The following PACRG variants were observed in gnomAD, a reference collection of about 807,000 sequenced individuals.
The protein encoded by PACRG is parkin coregulated.
A neutral mutation model predicts 29.7 loss-of-function variants in PACRG; 29 were observed. The observed-to-expected ratio is 0.98, with a 90% confidence interval of 0.73 to 1.33. PACRG has a LOEUF of 1.33. PACRG is among the 40% of genes most tolerant of loss of function. The pLI is 0.00. For missense variants in PACRG, 279 were observed against 316.2 expected (o/e 0.88, Z 0.89); for synonymous variants, 116 against 118.7 (o/e 0.98, Z 0.15).
At chr6:163,117,105 A>C (rs933796087) in intron 4 of PACRG, among the ~76,000 whole-genome samples, 1 of 152,198 alleles carries the variant, frequency 6.6e-6, no homozygotes, top group South Asian at 2.1e-4. Flanking sequence ...AGGAGAGGAA[A>C]ATCAGAAGTT....
intron 1 of PACRG, among the ~76,000 whole-genome samples, chr6:162,773,040 A>G (rs1783342234): frequency 6.6e-6 from 1 of 150,758 alleles, no homozygotes; most frequent in African/African-American, 2.4e-5. Context: ...AGAATCACGG[A>G]GGTCAATGGT....
chr6:162,792,369 G>A (rs1785026005), intron 1 of PACRG, among the ~76,000 whole-genome samples: 1 of 152,178 alleles, frequency 6.6e-6, no homozygotes, highest in Non-Finnish European at 1.5e-5. Flanking sequence ...TATAGCGAAA[G>A]TTTCAGGGTT....
intron 1 of PACRG, among the ~76,000 whole-genome samples, chr6:162,791,067 T>A (rs543563455): frequency 9.2e-4 from 140 of 152,348 alleles, no homozygotes; most frequent in African/African-American, 3.2e-3. Context: ...TAGAATGTAC[T>A]GTAGTTAGGT....
At chr6:163,201,909 T>G (rs958696260) in intron 4 of PACRG, among the ~76,000 whole-genome samples, 4 of 152,158 alleles carry the variant, frequency 2.6e-5, no homozygotes, top group African/African-American at 4.8e-5. Flanking sequence ...CACACGGTGG[T>G]GGCCAACCTC....
chr6:163,061,237 C>T (rs1811071951), intron 2 of PACRG, among the ~76,000 whole-genome samples: 3 of 152,142 alleles, frequency 2.0e-5, no homozygotes, highest in Admixed American at 2.0e-4. Context: ...GGCTCATTTC[C>T]ATGTACACTC....
At chr6:162,990,744 T>G (rs1803382726) in intron 2 of PACRG, among the ~76,000 whole-genome samples, 1 of 138,522 alleles carries the variant, frequency 7.2e-6, no homozygotes, top group Non-Finnish European at 1.5e-5. Context: ...TTAGTTTAAT[T>G]AGATCCCATT....
chr6:162,753,746 G>C (rs1019263134), intron 1 of PACRG, among the ~76,000 whole-genome samples: 1 of 151,950 alleles, frequency 6.6e-6, no homozygotes, highest in Non-Finnish European at 1.5e-5. Flanking sequence ...CTCTCTCTCT[G>C]TCTCTTTCCT....
chr6:163,222,526 G>A (rs1034461689), intron 4 of PACRG, among the ~76,000 whole-genome samples: 5 of 152,226 alleles, frequency 3.3e-5, no homozygotes, highest in African/African-American at 1.2e-4. Context: ...GTTGCGGTGA[G>A]CTGAGATCGC....
chr6:163,306,696 A>G (rs973730139), intron 4 of PACRG, among the ~76,000 whole-genome samples: 3 of 152,212 alleles, frequency 2.0e-5, no homozygotes, highest in Admixed American at 6.5e-5. Flanking sequence ...GTTTTCTTAG[A>G]ACTTGACTTG....
chr6:163,077,866 T>C (rs1234969700), intron 3 of PACRG, among the ~76,000 whole-genome samples: 2 of 151,996 alleles, frequency 1.3e-5, no homozygotes, highest in Non-Finnish European at 2.9e-5. Context: ...CCTCGCCCTG[T>C]ATGAACAGGG....
intron 2 of PACRG, among the ~76,000 whole-genome samples, chr6:162,942,900 G>A (rs1357348415): frequency 6.6e-6 from 1 of 152,162 alleles, no homozygotes; most frequent in Non-Finnish European, 1.5e-5. Context: ...ATCTAAGAAA[G>A]ACACTGGAAT....
rs73603863 is a variant in PACRG, at chr6:162,830,734, A to T, written c.291+16453A>T. ...GGGGTAGACGTCTTACATTAAAACG[A>T]TGTTTACTTATCAAGCATTTAGTTA... is the stretch of plus-strand genomic sequence containing the variant. On this transcript the variant is annotated intron_variant, in intron 2 of 4. Coordinates refer to ENST00000366888, the MANE Select transcript of PACRG (RefSeq NM_001080379.2). Among the ~76,000 whole-genome samples, 489 of 152,282 alleles carry T rather than the reference A, an allele frequency of 3.2e-3. 3 individuals are homozygous for T. The highest frequency in any genetic ancestry group is 0.011 in the African/African-American group (471 of 41,552).
At chr6:162,766,623 A>G (rs1199843135) in intron 1 of PACRG, among the ~76,000 whole-genome samples, 3 of 152,044 alleles carry the variant, frequency 2.0e-5, no homozygotes, top group East Asian at 3.9e-4. Context: ...TCTTGAATCT[A>G]TTTTGTTTCT....
At chr6:162,969,034 G>C (rs949886177) in intron 2 of PACRG, among the ~76,000 whole-genome samples, 1 of 91,522 alleles carries the variant, frequency 1.1e-5, no homozygotes, top group African/African-American at 4.8e-5. Flanking sequence ...GGAACAGAGC[G>C]AGACTCTATC....
chr6:163,002,132 G>A (rs1804646102), intron 2 of PACRG, among the ~76,000 whole-genome samples: 1 of 152,134 alleles, frequency 6.6e-6, no homozygotes, highest in Non-Finnish European at 1.5e-5. Context: ...TTTCTTTGGA[G>A]GTAAGAATCT....
intron 4 of PACRG, among the ~76,000 whole-genome samples, chr6:163,143,242 T>G (rs1181221682): frequency 1.3e-5 from 2 of 152,040 alleles, no homozygotes; most frequent in East Asian, 3.8e-4. Context: ...AATAAAAAGT[T>G]CATAAAAAAA....
intron 4 of PACRG, among the ~76,000 whole-genome samples, chr6:163,142,087 T>G (rs1025706921): frequency 3.3e-5 from 5 of 152,122 alleles, no homozygotes; most frequent in Non-Finnish European, 5.9e-5. Flanking sequence ...AAGTATAGTG[T>G]TTGAAATGAA....
chr6:162,753,678 TAGTG>T (rs1781686517), intron 1 of PACRG, among the ~76,000 whole-genome samples: 1 of 152,234 alleles, frequency 6.6e-6, no homozygotes, highest in East Asian at 1.9e-4. Flanking sequence ...GTTCTCATGA[TAGTG>T]AGTGAGTTCT....
chr6:163,230,379 G>T (rs981480493), intron 4 of PACRG, among the ~76,000 whole-genome samples: 1 of 152,068 alleles, frequency 6.6e-6, no homozygotes, highest in Non-Finnish European at 1.5e-5. Flanking sequence ...GAATTTTTTA[G>T]TGTAATAAAA....
Sources: gnomAD v4.1 joint callset for allele counts (sites outside exome capture counted in the v4.1 genomes callset) on GRCh38, gnomAD v4.1.1 for gene constraint, MANE v1.5 for transcripts, NCBI Gene and HGNC (gene_info 2026-07-23, HGNC 2026-07-21) for gene names.